KCNH6: variants seen among roughly 807,000 people sequenced by gnomAD.
KCNH6 encodes the protein voltage-gated inwardly rectifying potassium channel KCNH6.
A neutral mutation model predicts 83.4 loss-of-function variants in KCNH6; 81 were observed. The observed-to-expected ratio is 0.97, with a 90% CI of 0.81 to 1.17. The LOEUF is 1.17. Among genes scored for constraint, KCNH6 ranks in the 50% most tolerant of loss-of-function variants. The pLI is 0.00. For synonymous variants in KCNH6, 503 were observed against 545.6 expected, an observed-to-expected ratio of 0.92 and a Z score of 1.09; for missense variants, 1,203 against 1,290.5, an observed-to-expected ratio of 0.93 and a Z score of 1.04.
At chr17:63,524,088 C>A in intron 1 of KCNH6, 51 bp from the exon 2 acceptor site, 2 of 1,299,316 alleles carry the variant, frequency 1.5e-6, no homozygotes, top group Non-Finnish European at 2.2e-6. Context: ...TCCCTCCCAG[C>A]CGCTGGATCC....
chr17:63,530,291 A>G (rs1240539935), intron 3 of KCNH6, 39 bp downstream of exon 3: 2 of 1,613,560 alleles, frequency 1.2e-6, no homozygotes, highest in Non-Finnish European at 1.7e-6. Context: ...GGGACGCATG[A>G]GGGTCCCCTG....
chr17:63,525,441 G>A (rs1032835548), intron 2 of KCNH6, among the ~76,000 whole-genome samples: 16 of 152,238 alleles, frequency 1.1e-4, no homozygotes, highest in African/African-American at 3.9e-4. Context: ...GTGCTCAGGG[G>A]AGAGAAGTCC....
At chr17:63,532,417 G>C (rs1236618901) in intron 4 of KCNH6, among the ~76,000 whole-genome samples, 1 of 152,344 alleles carries the variant, frequency 6.6e-6, no homozygotes, top group East Asian at 1.9e-4. Context: ...AGCGGGGAGA[G>C]GGCCAGTGAG....
At chr17:63,532,191 C>A (rs376008365) in intron 4 of KCNH6, among the ~76,000 whole-genome samples, 1 of 152,218 alleles carries the variant, frequency 6.6e-6, no homozygotes, top group South Asian at 2.1e-4. Flanking sequence ...AACCACCCCC[C>A]ACCATTCCTT....
chr17:63,533,858 C>T lies in KCNH6; in HGVS notation c.676-28C>T, dbSNP rs1365056006. 3 of 1,595,558 alleles carry T rather than the reference C, an allele frequency of 1.9e-6. No individual in the cohort carries two copies. The highest frequency in any genetic ancestry group is 2.7e-5 in the African/African-American group (2 of 74,852). ...TCTCACCAGCAGTGGCTGCCCCGTG[C>T]CTGACCTCCCTCGGCCCCCACCCCC... On this transcript the variant is annotated intron_variant, in intron 4 of 12. Coordinates refer to ENST00000314672, the MANE Select transcript of KCNH6 (RefSeq NM_001278919.2). This position sits in a 1 kb window ranked among gnomAD's most constrained non-coding sequence, Gnocchi z 4.1.
rs1193415547 is a variant in KCNH6 at position 63,538,891 on chromosome 17, A to T, written c.1954+229A>T. Among the ~76,000 whole-genome samples the T allele has an allele frequency of 1.3e-5, 2 of 152,150 alleles. No individual in the cohort carries two copies. The highest frequency in any genetic ancestry group is 2.9e-5 in the Non-Finnish European group (2 of 68,016). On this transcript the variant is annotated intron_variant, in intron 8 of 12. Coordinates refer to ENST00000314672, the MANE Select transcript of KCNH6 (RefSeq NM_001278919.2). The surrounding 1 kb of genome is among the most constrained non-coding windows in gnomAD (Gnocchi z 4.0). ...GAGAGGGAAGTTGAGGCTGAGGGAG[A>T]TCATGCTAGTCTGTGGCCAGGCAGG...
rs138130730 is a variant in KCNH6, at chr17:63,533,901, G to A, written c.691G>A (p.Ala231Thr). The change falls in exon 5 of 13, where the codon GCG becomes ACG. Residue 231 changes from alanine (A) to threonine (T), a missense_variant. Transcript: ENST00000314672. The surrounding 1 kb of genome is among the most constrained non-coding windows in gnomAD (Gnocchi z 4.1). ...EKVTQVLSLG[A>T]DVLPEYKLQA... ...CCACCCCCAGGTCCTGTCCCTGGGC[G>A]CGGATGTGCTGCCGGAGTACAAGCT... The A allele has an allele frequency of 1.9e-4, 308 of 1,613,264 alleles. 1 individual carries two copies. Among genetic ancestry groups the A allele is most frequent in the Middle Eastern group, 1.7e-3 (10 of 6,058 alleles).
chr17:63,538,457 C>A lies in KCNH6; in HGVS notation c.1749C>A (p.His583Gln), dbSNP rs765086803. 19 of 1,604,714 alleles carry A rather than the reference C, an allele frequency of 1.2e-5. No homozygotes were observed. Among genetic ancestry groups the A allele is most frequent in the Admixed American group, 1.7e-5 (1 of 59,022 alleles). ...GCCTGCAGGCTGACATCTGCCTGCA[C>A]CTGCACCGCGCACTGCTGCAGCACT... ...PECLQADICL[H>Q]LHRALLQHCP... The change falls in exon 8 of 13, where the codon CAC becomes CAA. Residue 583 changes from histidine (H) to glutamine (Q), a missense_variant. Physicochemically the swap from His to Gln is conservative, Grantham distance 24. Transcript: ENST00000314672. The surrounding 1 kb of genome is among the most constrained non-coding windows in gnomAD (Gnocchi z 4.0).
rs374781364 is a variant in KCNH6, at chr17:63,538,293, C to G, written c.1701+29C>G. On this transcript the variant is annotated intron_variant, in intron 7 of 12. Coordinates refer to ENST00000314672, the MANE Select transcript of KCNH6 (RefSeq NM_001278919.2). This position sits in a 1 kb window ranked among gnomAD's most constrained non-coding sequence, Gnocchi z 4.0. ...AGCCCCGCCGCTCCGGCTAATGCCC[C>G]GGGCGTGGGGGGGAGCCAAGATCCT... 1.0e-5 allele frequency: 16 copies of G among 1,558,390 alleles called. No homozygotes were observed. The Admixed American group carries it at 1.6e-4, about 16-fold the overall frequency.
chr17:63,528,521 G>A (rs1405586872), intron 2 of KCNH6, among the ~76,000 whole-genome samples: 1 of 152,182 alleles, frequency 6.6e-6, no homozygotes, highest in Admixed American at 6.5e-5. Context: ...AAGGAGTCTG[G>A]TGGAGAGTCA....
chr17:63,538,060 CCCAG>C lies in KCNH6; in HGVS notation c.1502-2_1503del. The C allele has an allele frequency of 6.2e-7, 1 of 1,612,570 alleles. No homozygotes were observed. The highest frequency in any genetic ancestry group is 1.1e-5 in the South Asian group (1 of 91,046). On this transcript the variant is annotated splice_acceptor_variant and splice_polypyrimidine_tract_variant and intron_variant, in intron 6 of 12. Transcript: ENST00000314672. LOFTEE classifies it high-confidence loss of function. The surrounding 1 kb of genome is among the most constrained non-coding windows in gnomAD (Gnocchi z 4.0). ...GGAGGAGCTCACTCTCCGCCCCGCC[CCCAG>C]CCCTGATGTACGCCAGCATCTTCGG...
chr17:63,544,284 G>A lies in KCNH6; in HGVS notation c.2269G>A (p.Gly757Ser). Residue 757 changes from glycine (G) to serine (S), a missense_variant, in exon 11 of 13, where the codon GGC (glycine) becomes AGC (serine). By Grantham distance (56) the Gly-to-Ser change is moderately conservative (BLOSUM62 0). Transcript: ENST00000314672. Reference protein sequence around the residue: ...APPLSISDASGLWPELLQEMP... With the variant: ...APPLSISDASSLWPELLQEMP... ...TCCCCTGAGCATCTCAGATGCATCT[G>A]GCCTCTGGCCTGAGCTACTGCAGGA... 1 of 1,605,418 alleles carries A rather than the reference G, an allele frequency of 6.2e-7. No individual in the cohort carries two copies. The highest frequency in any genetic ancestry group is 8.5e-7 in the Non-Finnish European group (1 of 1,175,820).
At chr17:63,529,956 C>T in intron 2 of KCNH6, 135 bp from the exon 3 acceptor site, 1 of 907,780 alleles carries the variant, frequency 1.1e-6, no homozygotes, top group Non-Finnish European at 1.7e-6. Context: ...TGCCCAGTAT[C>T]TCTGGTCACT....
At chr17:63,544,736 T>C (rs1434507300) in intron 11 of KCNH6, among the ~76,000 whole-genome samples, 1 of 152,150 alleles carries the variant, frequency 6.6e-6, no homozygotes, top group Non-Finnish European at 1.5e-5. Context: ...GTTCAAATTC[T>C]GGCTCTGTTC....
At chr17:63,537,732 C>T (rs1420984901) in intron 6 of KCNH6, among the ~76,000 whole-genome samples, 3 of 152,220 alleles carry the variant, frequency 2.0e-5, no homozygotes, top group South Asian at 4.2e-4. Context: ...CCACCACACC[C>T]GGCGGAGAGT....
chr17:63,534,149 G>A lies in KCNH6; in HGVS notation c.939G>A (p.Val313=). 6.2e-7 allele frequency: 1 copy of A among 1,611,742 alleles called. No homozygotes were observed. The highest frequency in any genetic ancestry group is 8.5e-7 in the Non-Finnish European group (1 of 1,179,798). ...VDLIVDIMFV[V]DIVINFRTTY... ...TCATCGTGGACATCATGTTCGTCGT[G>A]GACATCGTCATCAACTTCCGCACCA... Residue 313 remains valine (V), a synonymous_variant, in exon 5 of 13, where the codon GTG becomes GTA. Transcript: ENST00000314672. The surrounding 1 kb of genome is among the most constrained non-coding windows in gnomAD (Gnocchi z 5.0).
In KCNH6 at chr17:63,524,174, A is replaced by T; in HGVS notation, c.112A>T (p.Asn38Tyr). The change falls in exon 2 of 13, where the codon AAC (asparagine) becomes TAC (tyrosine). Residue 38 changes from asparagine (N) to tyrosine (Y), a missense_variant. Asn to Tyr is a moderately radical substitution (Grantham distance 143). Transcript: ENST00000314672. ...CCTGATTGCCAATGCTCAGATGGAG[A>T]ACTGCGCCATCATTTACTGCAACGA... ...KFLIANAQME[N>Y]CAIIYCNDGF... 1 of 1,614,028 alleles carries T rather than the reference A, an allele frequency of 6.2e-7. No individual in the cohort carries two copies. Among genetic ancestry groups the T allele is most frequent in the South Asian group, 1.1e-5 (1 of 91,070 alleles).
intron 2 of KCNH6, 121 bp from the exon 3 acceptor site, chr17:63,529,970 C>A: frequency 9.4e-7 from 1 of 1,059,214 alleles, no homozygotes. Flanking sequence ...GGTCACTGTC[C>A]AAGCCTCTTC....
At chr17:63,536,415 G>A (rs1305184188) in intron 6 of KCNH6, among the ~76,000 whole-genome samples, 1 of 152,202 alleles carries the variant, frequency 6.6e-6, no homozygotes, top group Non-Finnish European at 1.5e-5. Flanking sequence ...CACCAAGGTG[G>A]GTGGGTCACC....
Sources: allele counts gnomAD v4.1 joint callset (sites outside exome capture counted in the v4.1 genomes callset), GRCh38; gene constraint gnomAD v4.1.1; non-coding constraint Gnocchi (gnomAD v3.1); transcripts MANE v1.5; gene names NCBI Gene and HGNC (gene_info 2026-07-23, HGNC 2026-07-21).